DISC1: variants seen among roughly 807,000 people sequenced by gnomAD.
DISC1 encodes the protein DISC1 scaffold protein.
In DISC1, 57 loss-of-function variants were observed where a neutral mutation model predicts 84.5. The observed-to-expected ratio is 0.67, with a 90% CI of 0.55 to 0.84. The LOEUF (loss-of-function observed/expected upper bound fraction) is 0.84. Among genes scored for constraint, DISC1 ranks in the 40% least tolerant of loss-of-function variants. DISC1 has a pLI of 0.00. For synonymous variants in DISC1, 411 were observed against 415.2 expected (o/e 0.99, Z 0.12); for missense variants, 1,000 against 1,057.8 (o/e 0.95, Z 0.76).
chr1:231,643,232 T>G (rs1162703961), intron 1 of DISC1, among the ~76,000 whole-genome samples: 2 of 152,204 alleles, frequency 1.3e-5, no homozygotes, highest in Non-Finnish European at 2.9e-5. Context: ...CAAAGGAGCT[T>G]TTTGTTTCAC....
At chr1:231,762,233 CT>C (rs1189111272) in intron 4 of DISC1, among the ~76,000 whole-genome samples, 3 of 33,556 alleles carry the variant, frequency 8.9e-5, no homozygotes, top group South Asian at 1.0e-3. Context: ...CTTTTCTTTT[CT>C]TTTCTTTTCT....
At chr1:231,634,041 G>A (rs1041784320) in intron 1 of DISC1, among the ~76,000 whole-genome samples, 1 of 151,986 alleles carries the variant, frequency 6.6e-6, no homozygotes, top group South Asian at 2.1e-4. Flanking sequence ...GCCCCACCAC[G>A]TGCAGCTAAT....
chr1:231,950,214 G>GTGTCTATAAAAAAGAATGAAAAAAAATTC (rs1658100448), intron 9 of DISC1, among the ~76,000 whole-genome samples: 1 of 143,484 alleles, frequency 7.0e-6, no homozygotes, highest in African/African-American at 2.6e-5. Context: ...CTGTGTGTGT[G>GTGTCTATAAAAAAGAATGAAAAAAAATTC]TGTGTGTGTG....
chr1:232,004,899 TC>T, intron 10 of DISC1, among the ~76,000 whole-genome samples: 2 of 120,604 alleles, frequency 1.7e-5, no homozygotes, highest in African/African-American at 6.2e-5. Flanking sequence ...CTTCCTTCCT[TC>T]CTTCTTTCCT....
At chr1:232,012,643 T>A (rs1323862941) in intron 11 of DISC1, among the ~76,000 whole-genome samples, 1 of 152,232 alleles carries the variant, frequency 6.6e-6, no homozygotes, top group African/African-American at 2.4e-5. Context: ...GAAAAATTAC[T>A]GACTTCTTAT....
intron 9 of DISC1, among the ~76,000 whole-genome samples, chr1:231,869,629 C>T (rs2085310931): frequency 6.6e-6 from 1 of 151,656 alleles, no homozygotes; most frequent in African/African-American, 2.4e-5. Flanking sequence ...GGAGGAGGTG[C>T]CAGGCTCTCT....
intron 10 of DISC1, among the ~76,000 whole-genome samples, chr1:231,982,506 C>G (rs1013456867): frequency 6.6e-6 from 1 of 152,186 alleles, no homozygotes; most frequent in African/African-American, 2.4e-5. Context: ...ACACCATCTT[C>G]GCTCTCTTGA....
intron 8 of DISC1, among the ~76,000 whole-genome samples, chr1:231,815,739 A>AG (rs1237615696): frequency 6.1e-5 from 1 of 16,424 alleles, no homozygotes; most frequent in African/African-American, 1.4e-4. Flanking sequence ...ACTCTGTCTC[A>AG]AAAAAAAAAA....
intron 9 of DISC1, among the ~76,000 whole-genome samples, chr1:231,829,627 C>G (rs1240257684): frequency 6.6e-6 from 1 of 152,174 alleles, no homozygotes; most frequent in Non-Finnish European, 1.5e-5. Flanking sequence ...GTTGGGATTA[C>G]AGAGTGAGCC....
chr1:231,752,318 A>C (rs2074686026), intron 4 of DISC1, among the ~76,000 whole-genome samples: 2 of 152,210 alleles, frequency 1.3e-5, no homozygotes, highest in African/African-American at 4.8e-5. Flanking sequence ...GGGAGGCCTC[A>C]GTAAACTTAC....
At chr1:231,818,847 T>G (rs2081282569) in intron 9 of DISC1, 1 of 1,128,880 alleles carries the variant, frequency 8.9e-7, no homozygotes, top group Non-Finnish European at 1.1e-6. Context: ...TTATCTTCCT[T>G]TTGTCCCTTG....
chr1:231,864,418 C>G (rs1194662556), intron 9 of DISC1, among the ~76,000 whole-genome samples: 2 of 152,112 alleles, frequency 1.3e-5, no homozygotes, highest in Non-Finnish European at 2.9e-5. Flanking sequence ...AATCCCAGCA[C>G]TTTGGGAGGC....
intron 10 of DISC1, among the ~76,000 whole-genome samples, chr1:231,987,807 A>G (rs963424845): frequency 6.6e-6 from 1 of 152,182 alleles, no homozygotes; most frequent in African/African-American, 2.4e-5. Flanking sequence ...ATGTTACCAC[A>G]TGTATTAAAA....
chr1:231,723,245 T>C, intron 3 of DISC1: 2 of 791,116 alleles, frequency 2.5e-6, no homozygotes, highest in Non-Finnish European at 2.8e-6. Flanking sequence ...ACTGTATTTA[T>C]TGAAAAAAAA....
chr1:231,789,237 G>A (rs1336371758), intron 6 of DISC1, among the ~76,000 whole-genome samples: 2 of 152,196 alleles, frequency 1.3e-5, no homozygotes, highest in Non-Finnish European at 2.9e-5. Context: ...CCCATTATGT[G>A]TGCTGGGGCA....
Position 231,961,525 on chromosome 1 carries a change from C to T in DISC1, c.2042+2637C>T, listed in dbSNP as rs559295047. On this transcript the variant is annotated intron_variant, in intron 10 of 12. Transcript: ENST00000439617. ...AGTACCCCTGGAATTAGTTTTCAAC[C>T]CTTGCTTCCCTTCCTCCTCTGTCAG... 2.0e-5 allele frequency among the ~76,000 whole-genome samples: 3 copies of T among 152,202 alleles called. No homozygotes were observed. The South Asian group carries it at 6.2e-4, about 32-fold the overall frequency.
rs1429757019 is a variant in DISC1 at position 231,762,520 on chromosome 1, T to G, written c.1269-4620T>G. ...TAATTTTTAGTTTTGTTTTGTTTTTTTTTTTTTTTTGGTAGAGATAAGGTC... is the reference window on the plus strand; with the variant it reads ...TAATTTTTAGTTTTGTTTTGTTTTTGTTTTTTTTTTGGTAGAGATAAGGTC... On this transcript the variant is annotated intron_variant, in intron 4 of 12. Coordinates refer to ENST00000439617, the MANE Select transcript of DISC1 (RefSeq NM_018662.3). Among the ~76,000 whole-genome samples the G allele has an allele frequency of 6.0e-3, 890 of 149,368 alleles. 7 individuals are homozygous for G. The highest frequency in any genetic ancestry group is 0.021 in the African/African-American group (843 of 40,730).
intron 11 of DISC1, among the ~76,000 whole-genome samples, chr1:232,019,166 C>T (rs1668731432): frequency 6.6e-6 from 1 of 152,072 alleles, no homozygotes; most frequent in Non-Finnish European, 1.5e-5. Flanking sequence ...TCCTCCTACC[C>T]AGAAGTAGGC....
At chr1:231,683,332 A>G (rs995150792) in intron 1 of DISC1, among the ~76,000 whole-genome samples, 1 of 152,136 alleles carries the variant, frequency 6.6e-6, no homozygotes, top group African/African-American at 2.4e-5. Context: ...AGTGTCAAGA[A>G]GCACCAATAC....
Sources: gnomAD v4.1 joint callset for allele counts (sites outside exome capture counted in the v4.1 genomes callset) on GRCh38, gnomAD v4.1.1 for gene constraint, MANE v1.5 for transcripts, NCBI Gene and HGNC (gene_info 2026-07-23, HGNC 2026-07-21) for gene names.